NIBAN3: variants seen among roughly 807,000 people sequenced by gnomAD.
The protein encoded by NIBAN3 is protein Niban 3.
In NIBAN3, 66 loss-of-function variants were observed where a neutral mutation model predicts 76.4. That is an observed-to-expected ratio of 0.86 (90% CI 0.71 to 1.06). NIBAN3 has a LOEUF of 1.06. Ranked by LOEUF, NIBAN3 falls within the 50% of genes least tolerant of loss-of-function variation. The pLI, the probability that NIBAN3 is intolerant of heterozygous loss-of-function variation, is 0.00. For synonymous variants in NIBAN3, 360 were observed against 355.2 expected, an observed-to-expected ratio of 1.01 and a Z score of -0.15; for missense variants, 808 against 810.7, an observed-to-expected ratio of 1.00 and a Z score of 0.04.
At chr19:17,549,615 T>G (rs749319174) in intron 14 of NIBAN3, 88 bp downstream of exon 14, 1 of 1,045,768 alleles carries the variant, frequency 9.6e-7, no homozygotes, top group African/African-American at 1.6e-5. Flanking sequence ...GGGATTGTCA[T>G]GAGTGTGGGT....
chr19:17,538,756 G>C (rs1349154810), intron 5 of NIBAN3, among the ~76,000 whole-genome samples: 1 of 151,452 alleles, frequency 6.6e-6, no homozygotes, highest in African/African-American at 2.4e-5. Context: ...GAGAAAGAAA[G>C]AAAGAGAGGG....
chr19:17,548,811 A>T (rs191783491), intron 13 of NIBAN3, among the ~76,000 whole-genome samples: 3 of 152,282 alleles, frequency 2.0e-5, no homozygotes, highest in Admixed American at 1.3e-4. Flanking sequence ...CTGTAGTCCC[A>T]GCTACTTGGG....
intron 8 of NIBAN3, among the ~76,000 whole-genome samples, 194 bp downstream of exon 8, chr19:17,539,959 T>C (rs915881518): frequency 2.0e-5 from 3 of 148,654 alleles, no homozygotes; most frequent in African/African-American, 7.5e-5. Context: ...GTGGGCGTGG[T>C]CTTGTGGTCG....
At position 17,539,675 on chromosome 19, in the gene NIBAN3, G is replaced by C; in HGVS notation, c.889G>C (p.Asp297His). ...GCTCTGCGCCTTCCAGCCCGAAAAGGACGAGCTGCTTGCGTCGCTGGAGAA... is the reference window on the plus strand; with the variant it reads ...GCTCTGCGCCTTCCAGCCCGAAAAGCACGAGCTGCTTGCGTCGCTGGAGAA... ...AGLCAFQPEK[D>H]ELLASLEKTI... is the part of the protein sequence containing the mutation. The change falls in exon 8 of 15, where the codon GAC becomes CAC. Residue 297 changes from aspartate (D) to histidine (H), a missense_variant. By Grantham distance (81) the Asp-to-His change is moderately conservative (BLOSUM62 -1). Coordinates refer to ENST00000599164, the MANE Select transcript of NIBAN3 (RefSeq NM_001321827.2). 1 of 1,559,278 alleles carries C rather than the reference G, an allele frequency of 6.4e-7. No individual in the cohort carries two copies. Among genetic ancestry groups the C allele is most frequent in the Non-Finnish European group, 8.7e-7 (1 of 1,151,928 alleles).
chr19:17,547,882 G>T (rs1409973427), intron 13 of NIBAN3, among the ~76,000 whole-genome samples: 1 of 151,926 alleles, frequency 6.6e-6, no homozygotes, highest in Non-Finnish European at 1.5e-5. Flanking sequence ...GGCCAGGCTG[G>T]TCTCGAACTC....
chr19:17,543,411 G>A lies in NIBAN3; in HGVS notation c.1424G>A (p.Arg475Lys). The change falls in exon 11 of 15, where the codon AGA becomes AAA. Residue 475 changes from arginine (R) to lysine (K), a missense_variant. By Grantham distance (26) the Arg-to-Lys change is conservative. Coordinates refer to ENST00000599164, the MANE Select transcript of NIBAN3 (RefSeq NM_001321827.2). ...GACCAGGCTGCCCAGAGGCTGGAGA[G>A]AGTCAGGGGGCGCGTGCTGAAGGTG... is the stretch of plus-strand genomic sequence containing the variant. ...NCDQAAQRLE[R>K]VRGRVLKKFK... 6.2e-7 allele frequency: 1 copy of A among 1,613,076 alleles called. No individual in the cohort carries two copies. Among genetic ancestry groups the A allele is most frequent in the Non-Finnish European group, 8.5e-7 (1 of 1,179,130 alleles).
intron 1 of NIBAN3, among the ~76,000 whole-genome samples, chr19:17,530,172 C>A (rs886201658): frequency 6.6e-6 from 1 of 151,754 alleles, no homozygotes; most frequent in African/African-American, 2.4e-5. Context: ...ATTAGTCAGT[C>A]GTGGTGGCAG....
chr19:17,525,417 G>A (rs555771837), upstream of NIBAN3, among the ~76,000 whole-genome samples: 112 of 152,168 alleles, frequency 7.4e-4, 1 homozygote, highest in African/African-American at 2.5e-3. Context: ...GGGCTGCTCT[G>A]TGCCAGGCAC....
At chr19:17,530,916 G>A in intron 2 of NIBAN3, 31 bp downstream of exon 2, 1 of 1,605,864 alleles carries the variant, frequency 6.2e-7, no homozygotes, top group East Asian at 2.3e-5. Flanking sequence ...GGACGTTTGA[G>A]TGTTAGGGGA....
intron 3 of NIBAN3, 90 bp from the exon 4 acceptor site, chr19:17,533,497 C>T (rs958762908): frequency 5.0e-6 from 4 of 796,982 alleles, no homozygotes; most frequent in African/African-American, 3.5e-5. Flanking sequence ...TTTTTCAGCT[C>T]ATCTGAAATC....
chr19:17,523,640 G>A (rs538786988), upstream of NIBAN3, among the ~76,000 whole-genome samples: 19 of 152,290 alleles, frequency 1.2e-4, no homozygotes, highest in Admixed American at 2.6e-4. Flanking sequence ...TACTCTTTGC[G>A]AGAGTGACAA....
rs1356984864 is a variant in NIBAN3, at chr19:17,546,706, G to T, written c.1575G>T (p.Gly525=). Residue 525 remains glycine (G), a synonymous_variant, in exon 13 of 15, where the codon GGG becomes GGT. Coordinates refer to ENST00000599164, the MANE Select transcript of NIBAN3 (RefSeq NM_001321827.2). ...TCCAGGAGCTGCCTGAGTTCGAGGGGGATGTCCTTGCCGTGGGCAGCCAGG... is the reference window on the plus strand; with the variant it reads ...TCCAGGAGCTGCCTGAGTTCGAGGGTGATGTCCTTGCCGTGGGCAGCCAGG... ...GCKKELPEFE[G]DVLAVGSQAL... The T allele has an allele frequency of 6.3e-7, 1 of 1,593,248 alleles. No individual in the cohort carries two copies. The highest frequency in any genetic ancestry group is 1.3e-5 in the African/African-American group (1 of 74,662).
At chr19:17,543,816 C>A (rs185380486) in intron 12 of NIBAN3, 185 bp downstream of exon 12, 3 of 474,726 alleles carry the variant, frequency 6.3e-6, no homozygotes, top group South Asian at 5.4e-5. Context: ...CATAGTGAAA[C>A]CCTGTCTCTA....
At chr19:17,550,046 C>G (rs2144786188) in intron 14 of NIBAN3, among the ~76,000 whole-genome samples, 1 of 152,230 alleles carries the variant, frequency 6.6e-6, no homozygotes. Context: ...TCTCGAACTC[C>G]TGACCTCACA....
chr19:17,551,112 T>A (rs940394808), intron 14 of NIBAN3, among the ~76,000 whole-genome samples: 2 of 151,774 alleles, frequency 1.3e-5, no homozygotes, highest in African/African-American at 2.4e-5. Context: ...TTATTTATTT[T>A]TTGAGATGGA....
Position 17,543,256 on chromosome 19 carries a change from G to A in NIBAN3, c.1330-61G>A. ...TGCTGAGAAGGGGTCAGCTGGGCAG[G>A]AGTGGGGCCCGGGAGGCTGGAGCAC... On this transcript the variant is annotated intron_variant, in intron 10 of 14. Transcript: ENST00000599164. The A allele has an allele frequency of 2.6e-6, 3 of 1,163,120 alleles. No individual in the cohort carries two copies. In the South Asian group the frequency reaches 4.4e-5, roughly 17 times the overall value. The allele number at this position is 1,163,120 out of a possible 1,614,324, so 72.0% of individuals were successfully genotyped here. A position where few individuals can be genotyped will look rare whatever the true frequency, so the allele number is the denominator to read the frequency against.
chr19:17,523,419 T>C (rs976467191), upstream of NIBAN3: 2 of 1,557,606 alleles, frequency 1.3e-6, no homozygotes, highest in African/African-American at 2.7e-5. Flanking sequence ...GCCACTCAGA[T>C]GTGAGAGTGA....
At position 17,540,529 on chromosome 19, in the gene NIBAN3, C is replaced by T. The variant is rs146478867; in HGVS notation, c.1117C>T (p.Arg373Ter). 6.3e-7 allele frequency: 1 copy of T among 1,583,454 alleles called. No individual in the cohort carries two copies. The change falls in exon 9 of 15, where the codon CGA (arginine) becomes TGA (stop). Residue 373 changes from arginine (R) to a stop codon, truncating the protein, a stop_gained. Coordinates refer to ENST00000599164, the MANE Select transcript of NIBAN3 (RefSeq NM_001321827.2). LOFTEE classifies it high-confidence loss of function. ...GACCCTCCTGGCTCAAGGCATGGAC[C>T]GACTGTCCCACCGCCTGCGCCAGAG... is the stretch of plus-strand genomic sequence containing the variant. Reference protein sequence around the residue: ...VRTLLAQGMDRLSHRLRQSPS... With the variant: ...VRTLLAQGMD
At chr19:17,554,738 C>A (rs1293267561), downstream of NIBAN3, among the ~76,000 whole-genome samples, 1 of 147,962 alleles carries the variant, frequency 6.8e-6, no homozygotes, top group African/African-American at 2.5e-5. Context: ...CGAGATCGCG[C>A]CACTGTACTC....
Sources: gnomAD v4.1 joint callset for allele counts (sites outside exome capture counted in the v4.1 genomes callset) on GRCh38, gnomAD v4.1.1 for gene constraint, MANE v1.5 for transcripts, NCBI Gene and HGNC (gene_info 2026-07-23, HGNC 2026-07-21) for gene names.